The following LYPLA1 variants were observed in gnomAD, a reference collection of about 807,000 sequenced individuals.
The protein encoded by LYPLA1 is lysophospholipase 1.
In LYPLA1, 17 loss-of-function variants were observed where a neutral mutation model predicts 34.0. The observed-to-expected ratio is 0.50, with a 90% confidence interval of 0.34 to 0.75. The LOEUF (loss-of-function observed/expected upper bound fraction) is 0.75. Ranked by LOEUF, LYPLA1 falls within the 30% of genes least tolerant of loss-of-function variation. The pLI is 0.01. For missense variants in LYPLA1, 203 were observed against 288.8 expected (o/e 0.70, Z 2.15); for synonymous variants, 98 against 100.8 (o/e 0.97, Z 0.17).
intron 2 of LYPLA1, among the ~76,000 whole-genome samples, chr8:54,087,293 A>G (rs573283086): frequency 2.0e-5 from 3 of 152,374 alleles, no homozygotes; most frequent in Admixed American, 1.3e-4. Context: ...CATAGTATAC[A>G]AAGAATAAAA....
intron 5 of LYPLA1, among the ~76,000 whole-genome samples, chr8:54,056,742 G>A (rs530828086): frequency 1.2e-4 from 18 of 152,206 alleles, no homozygotes; most frequent in South Asian, 4.1e-4. Flanking sequence ...GTGAAACCCC[G>A]TATCTACTAC....
chr8:54,048,144 G>C (rs1009914594), intron 8 of LYPLA1, 26 bp from the exon 9 acceptor site: 1 of 1,448,988 alleles, frequency 6.9e-7, no homozygotes, highest in African/African-American at 1.4e-5. Flanking sequence ...TAATTTAATA[G>C]GTAGGTAGTT....
At chr8:54,101,055 A>C in intron 1 of LYPLA1, 116 bp from the exon 2 acceptor site, 4 of 838,418 alleles carry the variant, frequency 4.8e-6, no homozygotes, top group South Asian at 4.6e-5. Context: ...GAATTACACA[A>C]CACTATCTTC....
chr8:54,056,463 A>G (rs989175279), intron 5 of LYPLA1, among the ~76,000 whole-genome samples: 2 of 152,246 alleles, frequency 1.3e-5, no homozygotes, highest in Non-Finnish European at 2.9e-5. Flanking sequence ...CAAGTTAAAA[A>G]GCTTCTGCAC....
chr8:54,092,873 A>G (rs111610568), intron 2 of LYPLA1, among the ~76,000 whole-genome samples: 11 of 152,334 alleles, frequency 7.2e-5, no homozygotes, highest in African/African-American at 2.6e-4. Flanking sequence ...GCACGCACAC[A>G]TATTATTTCC....
intron 2 of LYPLA1, among the ~76,000 whole-genome samples, chr8:54,073,933 T>C (rs957491432): frequency 3.9e-5 from 6 of 152,214 alleles, no homozygotes; most frequent in South Asian, 2.1e-4. Context: ...GACCTTAGGA[T>C]AGTTTTGAGT....
intron 3 of LYPLA1, 63 bp from the exon 4 acceptor site, chr8:54,063,438 T>C: frequency 9.6e-7 from 1 of 1,045,344 alleles, no homozygotes; most frequent in Non-Finnish European, 1.4e-6. Context: ...ATAAATTCCA[T>C]TAATCAAAAA....
At chr8:54,052,565 T>TAA in intron 7 of LYPLA1, 90 bp downstream of exon 7, 2 of 785,750 alleles carry the variant, frequency 2.5e-6, no homozygotes, top group Non-Finnish European at 4.1e-6. Context: ...AGTTTATTAA[T>TAA]AAAAAAAAAT....
intron 6 of LYPLA1, chr8:54,053,429 GATA>G: frequency 3.0e-6 from 1 of 331,370 alleles, no homozygotes; most frequent in Non-Finnish European, 6.0e-6. Context: ...GAGAATTTAA[GATA>G]ATAATAACTA....
chr8:54,099,072 GTCT>G (rs1245664366), intron 2 of LYPLA1, among the ~76,000 whole-genome samples: 1 of 151,592 alleles, frequency 6.6e-6, no homozygotes, highest in East Asian at 1.9e-4. Flanking sequence ...GATCCTAATA[GTCT>G]TCACCATTTT....
At chr8:54,065,583 T>C (rs1439017376) in intron 3 of LYPLA1, among the ~76,000 whole-genome samples, 165 bp downstream of exon 3, 1 of 152,100 alleles carries the variant, frequency 6.6e-6, no homozygotes, top group Non-Finnish European at 1.5e-5. Flanking sequence ...TCAATTTACC[T>C]AAGAAACCAT....
intron 2 of LYPLA1, among the ~76,000 whole-genome samples, chr8:54,079,128 C>T (rs985548936): frequency 2.6e-5 from 4 of 152,028 alleles, no homozygotes; most frequent in Non-Finnish European, 4.4e-5. Context: ...AGGTGCCCAC[C>T]ACCAAGGCTG....
chr8:54,063,460 T>C, intron 3 of LYPLA1, 85 bp from the exon 4 acceptor site: 1 of 799,428 alleles, frequency 1.3e-6, no homozygotes, highest in Non-Finnish European at 2.0e-6. Context: ...AGATAATTGC[T>C]TGAGACCTAC....
rs1250604776 is a variant in LYPLA1 at position 54,051,160 on chromosome 8, A to G, written c.491T>C (p.Ile164Thr). ...QGPIGGANRD[I>T]SILQCHGDCD... Reference sequence around the variant, plus strand: ...ATCCCCGTGGCACTGGAGAATAGAAATATCTCTATTAGCACCACCGATAGG... The same window carrying G: ...ATCCCCGTGGCACTGGAGAATAGAAGTATCTCTATTAGCACCACCGATAGG... The change falls in exon 8 of 9, where the codon ATT (isoleucine) becomes ACT (threonine). Residue 164 changes from isoleucine (I) to threonine (T), a missense_variant. Physicochemically the swap from Ile to Thr is moderately conservative, Grantham distance 89. Coordinates refer to ENST00000316963, the MANE Select transcript of LYPLA1 (RefSeq NM_006330.4). 14 of 1,613,710 alleles carry G rather than the reference A, an allele frequency of 8.7e-6. No individual in the cohort carries two copies. In the East Asian group the frequency reaches 2.5e-4, roughly 28 times the overall value.
At chr8:54,078,061 G>A (rs888564725) in intron 2 of LYPLA1, among the ~76,000 whole-genome samples, 5 of 151,854 alleles carry the variant, frequency 3.3e-5, no homozygotes, top group African/African-American at 7.3e-5. Flanking sequence ...AGCAATTCTC[G>A]TGCCTTAGCC....
chr8:54,096,539 T>C (rs1264987268), intron 2 of LYPLA1, among the ~76,000 whole-genome samples: 2 of 151,764 alleles, frequency 1.3e-5, no homozygotes, highest in East Asian at 3.9e-4. Flanking sequence ...GAGTTTGAGA[T>C]CAGCCTGACC....
chr8:54,085,826 G>A (rs540204361), intron 2 of LYPLA1, among the ~76,000 whole-genome samples: 67 of 133,488 alleles, frequency 5.0e-4, no homozygotes, highest in Non-Finnish European at 8.6e-4. Context: ...GGCAGCCCCC[G>A]GCCGGCCAGC....
At chr8:54,095,262 G>C (rs974025353) in intron 2 of LYPLA1, among the ~76,000 whole-genome samples, 1 of 152,020 alleles carries the variant, frequency 6.6e-6, no homozygotes, top group African/African-American at 2.4e-5. Flanking sequence ...CTCCCAAAGT[G>C]CTGGAATTAC....
intron 2 of LYPLA1, among the ~76,000 whole-genome samples, chr8:54,090,887 C>T (rs1809188581): frequency 6.6e-6 from 1 of 152,104 alleles, no homozygotes; most frequent in African/African-American, 2.4e-5. Flanking sequence ...TTATAAGGGG[C>T]CTCCCCCTTC....
Sources: allele counts gnomAD v4.1 joint callset (sites outside exome capture counted in the v4.1 genomes callset), GRCh38; gene constraint gnomAD v4.1.1; transcripts MANE v1.5; gene names NCBI Gene and HGNC (gene_info 2026-07-23, HGNC 2026-07-21).